LRRC4B: variants seen among roughly 807,000 people sequenced by gnomAD.
LRRC4B encodes leucine rich repeat containing 4B.
A neutral mutation model predicts 7.3 loss-of-function variants in LRRC4B; 1 was observed. The observed-to-expected ratio is 0.14, with a 90% confidence interval of 0.05 to 0.65. The LOEUF (loss-of-function observed/expected upper bound fraction) is 0.65. Ranked by LOEUF, LRRC4B falls within the 30% of genes least tolerant of loss-of-function variation. LRRC4B has a pLI of 0.84. For synonymous variants in LRRC4B, 500 were observed against 499.2 expected (o/e 1.00, Z -0.02); for missense variants, 730 against 1,041.6 (o/e 0.70, Z 4.12).
At chr19:50,566,118 G>C (rs933330525) in intron 1 of LRRC4B, among the ~76,000 whole-genome samples, 1 of 150,594 alleles carries the variant, frequency 6.6e-6, no homozygotes, top group Non-Finnish European at 1.5e-5. Context: ...TGGAGGCTGC[G>C]GAAAGGCAGG....
chr19:50,540,773 C>A (rs1434550808), intron 2 of LRRC4B, among the ~76,000 whole-genome samples: 1 of 151,734 alleles, frequency 6.6e-6, no homozygotes, highest in African/African-American at 2.4e-5. Flanking sequence ...CTCCCATCAC[C>A]CCCAGATGGG....
intron 1 of LRRC4B, among the ~76,000 whole-genome samples, chr19:50,549,938 C>G (rs972351027): frequency 6.6e-6 from 1 of 152,136 alleles, no homozygotes; most frequent in African/African-American, 2.4e-5. Flanking sequence ...GGGACTCGGG[C>G]CCTCTGAGAA....
chr19:50,526,440 G>A (rs1304015070), intron 2 of LRRC4B, among the ~76,000 whole-genome samples: 1 of 152,158 alleles, frequency 6.6e-6, no homozygotes, highest in African/African-American at 2.4e-5. Flanking sequence ...GATCCCCGGG[G>A]CTGGGTTCCC....
intron 2 of LRRC4B, among the ~76,000 whole-genome samples, chr19:50,534,884 T>C (rs1981196124): frequency 6.6e-6 from 1 of 152,200 alleles, no homozygotes; most frequent in Non-Finnish European, 1.5e-5. Flanking sequence ...TATATTTATT[T>C]ATTTATTTGA....
intron 1 of LRRC4B, among the ~76,000 whole-genome samples, chr19:50,557,432 G>A (rs894838989): frequency 6.6e-6 from 1 of 152,200 alleles, no homozygotes; most frequent in Admixed American, 6.5e-5. Flanking sequence ...CCCTGGCTGT[G>A]CCACTTTGGG....
chr19:50,519,337 C>G lies in LRRC4B; in HGVS notation c.376G>C (p.Glu126Gln). 2 of 1,612,448 alleles carry G rather than the reference C, an allele frequency of 1.2e-6. No individual in the cohort carries two copies. Among genetic ancestry groups the G allele is most frequent in the Non-Finnish European group, 1.7e-6 (2 of 1,179,986 alleles). Residue 126 changes from glutamate to glutamine, a missense_variant, in exon 3 of 3, where the codon GAG becomes CAG. By Grantham distance (29) the Glu-to-Gln change is conservative. Around this residue, in one of 6 missense-constraint regions of LRRC4B, gnomAD observed 226 missense variants for 448.0 expected, o/e 0.50. Transcript: ENST00000652263. The surrounding 1 kb of genome is among the most constrained non-coding windows in gnomAD (Gnocchi z 8.1). The stretch of plus-strand genomic sequence containing the variant: ...GGCAGCCCGTTGAAGGCGCCCACCT[C>G]GATCTTGCGCACCAGGTTCTTGCTC... ...QLSKNLVRKI[E>Q]VGAFNGLPSL...
At chr19:50,560,449 T>C (rs1441589403) in intron 1 of LRRC4B, among the ~76,000 whole-genome samples, 2 of 152,230 alleles carry the variant, frequency 1.3e-5, no homozygotes, top group Admixed American at 6.5e-5. Flanking sequence ...CTCGGTCTGC[T>C]CACCTGTAGG....
chr19:50,536,455 G>A (rs905126905), intron 2 of LRRC4B, among the ~76,000 whole-genome samples: 3 of 152,134 alleles, frequency 2.0e-5, no homozygotes, highest in East Asian at 3.9e-4. Context: ...CTTTCTGAAC[G>A]ACCTCTTTCT....
chr19:50,563,120 G>A lies in LRRC4B; in HGVS notation c.-36+4824C>T, dbSNP rs1982523327. On this transcript the variant is annotated intron_variant, in intron 1 of 2. Transcript: ENST00000652263. This position sits in a 1 kb window ranked among gnomAD's most constrained non-coding sequence, Gnocchi z 4.9. ...CATTCTCACTCTCAGCAGCCCTCCT[G>A]GGGAAACAGCAGTCCCCTGGGCTCC... Among the ~76,000 whole-genome samples, 1 of 152,026 alleles carries A rather than the reference G, an allele frequency of 6.6e-6. No homozygotes were observed. The highest frequency in any genetic ancestry group is 2.4e-5 in the African/African-American group (1 of 41,396).
In LRRC4B at chr19:50,518,304, C is replaced by A; in HGVS notation, c.1409G>T (p.Gly470Val). 1 of 1,600,850 alleles carries A rather than the reference C, an allele frequency of 6.2e-7. No individual in the cohort carries two copies. Among genetic ancestry groups the A allele is most frequent in the South Asian group, 1.1e-5 (1 of 90,336 alleles). Reference protein sequence around the residue: ...AAGGTGSGGGGPGGSGGVGGG... With the variant: ...AAGGTGSGGGVPGGSGGVGGG... ...TCCAACACCACCACTGCCCCCAGGG[C>A]CGCCCCCGCCGCTGCCGGTGCCCCC... Residue 470 changes from glycine (G) to valine (V), a missense_variant, in exon 3 of 3, where the codon GGC becomes GTC. Gly to Val is a moderately radical substitution (Grantham distance 109, BLOSUM62 -3). Around this residue, in one of 6 missense-constraint regions of LRRC4B, gnomAD observed 192 missense variants for 228.6 expected, o/e 0.84. Coordinates refer to ENST00000652263, the MANE Select transcript of LRRC4B (RefSeq NM_001080457.2).
Position 50,519,532 on chromosome 19 carries a change from A to T in LRRC4B, c.298-117T>A. The T allele has an allele frequency of 3.5e-6, 5 of 1,437,420 alleles. 1 individual carries two copies. Among genetic ancestry groups the T allele is most frequent in the Non-Finnish European group, 4.5e-6 (5 of 1,099,690 alleles). 89.0% of individuals were successfully genotyped at this position (1,437,420 alleles called of 1,614,324 possible). A position where few individuals can be genotyped will look rare whatever the true frequency, so the allele number is the denominator to read the frequency against. ...GCTGGATCTCCCGTGCTGTGCTGTG[A>T]CGGTACGACCTATATTGCAACATGG... On this transcript the variant is annotated intron_variant, in intron 2 of 2. Transcript: ENST00000652263. This position sits in a 1 kb window ranked among gnomAD's most constrained non-coding sequence, Gnocchi z 8.1.
chr19:50,560,508 T>C (rs1982428293), intron 1 of LRRC4B, among the ~76,000 whole-genome samples: 1 of 152,190 alleles, frequency 6.6e-6, no homozygotes, highest in African/African-American at 2.4e-5. Context: ...GCCTGGGGCA[T>C]AAAAGGAAAA....
At chr19:50,565,526 CGT>C (rs67157266) in intron 1 of LRRC4B, among the ~76,000 whole-genome samples, 23,286 of 147,072 alleles carry the variant, frequency 0.16, 2,258 homozygotes, top group Admixed American at 0.29. Flanking sequence ...TGTGTGCTCT[CGT>C]GTGTGTGTGT....
chr19:50,517,573 A>G lies in LRRC4B; in HGVS notation c.2140T>C (p.Ter714ArgextTer79). The G allele has an allele frequency of 7.0e-7, 1 of 1,424,904 alleles. No individual in the cohort carries two copies. Among genetic ancestry groups the G allele is most frequent in the Non-Finnish European group, 9.2e-7 (1 of 1,086,858 alleles). The allele number at this position is 1,424,904 out of a possible 1,614,324, so 88.3% of individuals were successfully genotyped here. The change falls in exon 3 of 3, where the codon TGA (stop) becomes CGA (arginine). Residue 714 changes from the stop codon to arginine, a stop_lost. Coordinates refer to ENST00000652263, the MANE Select transcript of LRRC4B (RefSeq NM_001080457.2). This position sits in a 1 kb window ranked among gnomAD's most constrained non-coding sequence, Gnocchi z 6.6. The stretch of plus-strand genomic sequence containing the variant: ...CTCGCCCGCCCGGCCCCGCCGCCTC[A>G]GATCTGCGTCTCTTGCACGTTCTCC... ...SKENVQETQI[*>R]
chr19:50,526,169 T>C (rs1052728798), intron 2 of LRRC4B, among the ~76,000 whole-genome samples: 2 of 152,104 alleles, frequency 1.3e-5, no homozygotes, highest in African/African-American at 4.8e-5. Context: ...ACAATGACAG[T>C]GAGAGCCCAT....
chr19:50,517,533 G>A lies in LRRC4B; in HGVS notation c.*38C>T. On this transcript the variant is annotated 3_prime_UTR_variant, in exon 3 of 3. Transcript: ENST00000652263. This position sits in a 1 kb window ranked among gnomAD's most constrained non-coding sequence, Gnocchi z 6.6. ...CTGCGCCCGGGCTGGGACCTGGGTG[G>A]GGGGCTCCACGCCCCTCGCCCGCCC... 3 of 1,393,620 alleles carry A rather than the reference G, an allele frequency of 2.2e-6. No individual in the cohort carries two copies. Among genetic ancestry groups the A allele is most frequent in the Non-Finnish European group, 9.3e-7 (1 of 1,072,802 alleles). The allele number at this position is 1,393,620 out of a possible 1,614,324, so 86.3% of individuals were successfully genotyped here.
intron 2 of LRRC4B, among the ~76,000 whole-genome samples, chr19:50,525,013 G>T (rs1023471379): frequency 1.3e-5 from 2 of 152,246 alleles, no homozygotes; most frequent in Non-Finnish European, 2.9e-5. Context: ...GCAGAGCTGG[G>T]CAGGGCTGGC....
rs1980348990 is a variant in LRRC4B, at chr19:50,517,786, C to A, written c.1927G>T (p.Gly643Cys). 6 of 1,531,294 alleles carry A rather than the reference C, an allele frequency of 3.9e-6. No homozygotes were observed. The highest frequency in any genetic ancestry group is 2.2e-5 in the Admixed American group (1 of 45,368). 94.9% of individuals were successfully genotyped at this position (1,531,294 alleles called of 1,614,324 possible). The change falls in exon 3 of 3, where the codon GGT becomes TGT. Residue 643 changes from glycine to cysteine, a missense_variant. Physicochemically the swap from Gly to Cys is radical, Grantham distance 159. This residue lies in a region of LRRC4B where 160 missense variants were observed against 163.9 expected (regional missense o/e 0.98). Coordinates refer to ENST00000652263, the MANE Select transcript of LRRC4B (RefSeq NM_001080457.2). This position sits in a 1 kb window ranked among gnomAD's most constrained non-coding sequence, Gnocchi z 6.6. ...AAAAAVASGG[G>C]VGGDSHLALP... ...GCCAGGTGGCTGTCCCCGCCCACAC[C>A]ACCCCCACTGGCCACGGCGGCCGCG...
Position 50,548,628 on chromosome 19 carries a change from T to A in LRRC4B, c.211A>T (p.Ile71Phe), listed in dbSNP as rs1340951049. ...TCGGCCAGGTCTCTCCGTGTGCAGA[T>A]CACCCGGCTGGCCTGGTTGCTGCAG... Reference protein sequence around the residue: ...CSCSNQASRVICTRRDLAEVP... With the variant: ...CSCSNQASRVFCTRRDLAEVP... Residue 71 changes from isoleucine to phenylalanine, a missense_variant, in exon 2 of 3, where the codon ATC (isoleucine) becomes TTC (phenylalanine). Physicochemically the swap from Ile to Phe is conservative, Grantham distance 21. Coordinates refer to ENST00000652263, the MANE Select transcript of LRRC4B (RefSeq NM_001080457.2). The surrounding 1 kb of genome is among the most constrained non-coding windows in gnomAD (Gnocchi z 6.8). 1 of 1,591,138 alleles carries A rather than the reference T, an allele frequency of 6.3e-7. No individual in the cohort carries two copies. Among genetic ancestry groups the A allele is most frequent in the East Asian group, 2.3e-5 (1 of 44,042 alleles).
Sources: allele counts gnomAD v4.1 joint callset (sites outside exome capture counted in the v4.1 genomes callset), GRCh38; gene constraint gnomAD v4.1.1; regional missense constraint gnomAD v4.1.1; non-coding constraint Gnocchi (gnomAD v3.1); transcripts MANE v1.5; gene names NCBI Gene and HGNC (gene_info 2026-07-23, HGNC 2026-07-21).